The following ANO2 variants were observed in gnomAD, a reference collection of about 807,000 sequenced individuals.
ANO2 encodes the protein anoctamin-2.
Under a neutral mutation model 124.2 loss-of-function variants are expected in ANO2, and 101 were observed. The observed-to-expected ratio is 0.81, with a 90% CI of 0.69 to 0.96. ANO2 has a LOEUF of 0.96. ANO2 is among the 40% of genes least tolerant of loss of function. ANO2 has a pLI of 0.00. For synonymous variants in ANO2, 486 were observed against 482.5 expected, an observed-to-expected ratio of 1.01 and a Z score of -0.09; for missense variants, 1,293 against 1,274.5, an observed-to-expected ratio of 1.01 and a Z score of -0.22.
chr12:5,889,671 C>T (rs1202115328), intron 3 of ANO2, among the ~76,000 whole-genome samples: 4 of 152,242 alleles, frequency 2.6e-5, no homozygotes, highest in African/African-American at 4.8e-5. Flanking sequence ...CTGGTAACAG[C>T]TGTGATATGC....
chr12:5,888,001 C>T (rs901791352), intron 3 of ANO2, among the ~76,000 whole-genome samples: 3 of 152,078 alleles, frequency 2.0e-5, no homozygotes, highest in Admixed American at 6.5e-5. Context: ...ATTCTGTGTC[C>T]GCAATTGGTG....
At chr12:5,912,732 CAAGGGAG>C in intron 3 of ANO2, among the ~76,000 whole-genome samples, 1 of 152,270 alleles carries the variant, frequency 6.6e-6, no homozygotes, top group African/African-American at 2.4e-5. Flanking sequence ...AGGAAAGAGG[CAAGGGAG>C]AAGCCCAAGG....
chr12:5,915,048 T>G (rs530872152), intron 3 of ANO2, among the ~76,000 whole-genome samples: 1 of 152,178 alleles, frequency 6.6e-6, no homozygotes, highest in Admixed American at 6.5e-5. Context: ...GGAAACTCTC[T>G]GGACGCTCAA....
intron 24 of ANO2, among the ~76,000 whole-genome samples, chr12:5,565,144 G>T (rs1044642803): frequency 1.3e-5 from 2 of 152,182 alleles, no homozygotes; most frequent in African/African-American, 4.8e-5. Flanking sequence ...AAAGGAGGGA[G>T]CCCAGAGTGC....
At chr12:5,916,590 A>G (rs892558005) in intron 3 of ANO2, among the ~76,000 whole-genome samples, 1 of 151,960 alleles carries the variant, frequency 6.6e-6, no homozygotes, top group Non-Finnish European at 1.5e-5. Context: ...ATTAACTGTA[A>G]CAAATGTATC....
chr12:5,915,249 T>G (rs949191302), intron 3 of ANO2, among the ~76,000 whole-genome samples: 4 of 152,194 alleles, frequency 2.6e-5, no homozygotes, highest in African/African-American at 9.7e-5. Context: ...TGTTCATACT[T>G]GAAAGAAAAT....
chr12:5,732,531 A>G lies in ANO2; in HGVS notation c.1534T>C (p.Cys512Arg), dbSNP rs1157266747. The G allele has an allele frequency of 6.2e-7, 1 of 1,612,612 alleles. No individual in the cohort carries two copies. The highest frequency in any genetic ancestry group is 8.5e-7 in the Non-Finnish European group (1 of 1,179,372). Reference sequence around the variant, plus strand: ...GTCCAGCTTCATACCTCATCGCCACACTCCGTCGTGTTTGTTTCCAATTTC... The same window carrying G: ...GTCCAGCTTCATACCTCATCGCCACGCTCCGTCGTGTTTGTTTCCAATTTC... ...VQKLETNTTE[C>R]GDEDDEDKLT... The change falls in exon 14 of 25, where the codon TGT (cysteine) becomes CGT (arginine). Residue 512 changes from cysteine (C) to arginine (R), a missense_variant. Transcript: ENST00000682330.
rs59254809 is a variant in ANO2 at position 5,622,964 on chromosome 12, A to C, written c.1817-7667T>G. Among the ~76,000 whole-genome samples the C allele has an allele frequency of 7.8e-3, 421 of 54,078 alleles. 3 individuals carry two copies. The highest frequency in any genetic ancestry group is 0.01 in the Non-Finnish European group (252 of 24,480). The allele number at this position is 54,078 out of a possible 152,430, so 35.5% of individuals were successfully genotyped here. On this transcript the variant is annotated intron_variant, in intron 16 of 24. Coordinates refer to ENST00000682330, the MANE Select transcript of ANO2 (RefSeq NM_001364791.2). ...GGACAACGATGCAAGGCTCTGTCTCAAAAAAAAAAAAAAAAAGAAACGAAA... is the reference window on the plus strand; with the variant it reads ...GGACAACGATGCAAGGCTCTGTCTCCAAAAAAAAAAAAAAAAGAAACGAAA...
intron 7 of ANO2, among the ~76,000 whole-genome samples, chr12:5,811,566 A>T (rs1011874712): frequency 2.0e-5 from 3 of 152,184 alleles, no homozygotes; most frequent in African/African-American, 4.8e-5. Context: ...TAGTTCCATC[A>T]ACCTGTAATT....
intron 10 of ANO2, among the ~76,000 whole-genome samples, chr12:5,790,442 T>C (rs1952664895): frequency 6.6e-6 from 1 of 152,200 alleles, no homozygotes; most frequent in Admixed American, 6.5e-5. Flanking sequence ...TCATCTGCCT[T>C]AGCCCCTTCT....
At chr12:5,695,773 G>T (rs190815919) in intron 14 of ANO2, among the ~76,000 whole-genome samples, 2 of 149,916 alleles carry the variant, frequency 1.3e-5, no homozygotes, top group African/African-American at 4.9e-5. Context: ...CCTGGGAGGC[G>T]GAGGTTTTGT....
At chr12:5,885,370 T>C (rs999769292) in intron 3 of ANO2, among the ~76,000 whole-genome samples, 1 of 152,254 alleles carries the variant, frequency 6.6e-6, no homozygotes, top group African/African-American at 2.4e-5. Flanking sequence ...TGTCTGAGGT[T>C]CATGCTTACT....
intron 14 of ANO2, among the ~76,000 whole-genome samples, chr12:5,720,774 CTA>C (rs66727423): frequency 0.22 from 33,490 of 152,162 alleles, 3,900 homozygotes; most frequent in Middle Eastern, 0.27. Context: ...CTGTCTCTCT[CTA>C]TAGCTTTGCT....
At chr12:5,713,970 G>A (rs1162560157) in intron 14 of ANO2, among the ~76,000 whole-genome samples, 1 of 152,178 alleles carries the variant, frequency 6.6e-6, no homozygotes, top group Non-Finnish European at 1.5e-5. Context: ...AAAGGAGACA[G>A]AAGGAGAGAT....
At chr12:5,768,690 C>A (rs1044896255) in intron 10 of ANO2, among the ~76,000 whole-genome samples, 1 of 152,162 alleles carries the variant, frequency 6.6e-6, no homozygotes, top group African/African-American at 2.4e-5. Flanking sequence ...AGGGACTGAC[C>A]CATGCCTGTA....
intron 10 of ANO2, among the ~76,000 whole-genome samples, chr12:5,760,677 C>T (rs1198447965): frequency 6.6e-6 from 1 of 152,180 alleles, no homozygotes; most frequent in Non-Finnish European, 1.5e-5. Context: ...ATCTCCAATT[C>T]CCTGTCCCTG....
chr12:5,869,529 G>A (rs1310605021), intron 3 of ANO2, among the ~76,000 whole-genome samples: 1 of 152,186 alleles, frequency 6.6e-6, no homozygotes, highest in Non-Finnish European at 1.5e-5. Context: ...AACCCCTGCT[G>A]GGTCAAAATT....
chr12:5,682,337 T>TC (rs1948529563), intron 14 of ANO2, among the ~76,000 whole-genome samples: 11 of 149,980 alleles, frequency 7.3e-5, no homozygotes, highest in African/African-American at 2.7e-4. Flanking sequence ...CTCTTTCTCT[T>TC]TCTCTCTCTC....
At chr12:5,721,656 C>T (rs1399733712) in intron 14 of ANO2, among the ~76,000 whole-genome samples, 1 of 152,154 alleles carries the variant, frequency 6.6e-6, no homozygotes, top group East Asian at 1.9e-4. Context: ...CAGGCCCATG[C>T]CACCATGCAT....
Sources: allele counts gnomAD v4.1 joint callset (sites outside exome capture counted in the v4.1 genomes callset), GRCh38; gene constraint gnomAD v4.1.1; transcripts MANE v1.5; gene names NCBI Gene and HGNC (gene_info 2026-07-23, HGNC 2026-07-21).